Variants in AFF3 observed in about 807,000 individuals in gnomAD.
The protein encoded by AFF3 is ALF transcription elongation factor 3.
Under a neutral mutation model 129.7 loss-of-function variants are expected in AFF3, and 32 were observed. The ratio of observed to expected loss-of-function variants is 0.25; its 90% confidence interval spans 0.19 to 0.33. AFF3 has a LOEUF of 0.33. AFF3 is among the 10% of genes least tolerant of loss of function. The pLI is 1.00. For synonymous variants in AFF3, 644 were observed against 635.4 expected (o/e 1.01, Z -0.20); for missense variants, 1,373 against 1,592.0 (o/e 0.86, Z 2.34).
intron 8 of AFF3, among the ~76,000 whole-genome samples, chr2:99,787,738 C>T (rs1015660791): frequency 2.6e-5 from 4 of 151,998 alleles, no homozygotes; most frequent in African/African-American, 4.8e-5. Context: ...AACAAACAAA[C>T]GAACAAACAA....
chr2:99,936,788 AG>A (rs1284198888), intron 7 of AFF3, among the ~76,000 whole-genome samples: 1 of 152,174 alleles, frequency 6.6e-6, no homozygotes, highest in Non-Finnish European at 1.5e-5. Context: ...TCATCAGGAA[AG>A]GGTTCTTCCT....
chr2:99,945,238 C>T (rs190156400), intron 7 of AFF3, among the ~76,000 whole-genome samples: 2 of 152,368 alleles, frequency 1.3e-5, no homozygotes, highest in East Asian at 3.9e-4. Context: ...GTCTTCTTTA[C>T]ACACAGAATT....
chr2:99,578,413 G>T lies in AFF3; in HGVS notation c.2832C>A (p.His944Gln). The T allele has an allele frequency of 6.2e-7, 1 of 1,611,698 alleles. No homozygotes were observed. The highest frequency in any genetic ancestry group is 8.5e-7 in the Non-Finnish European group (1 of 1,179,138). Reference sequence around the variant, plus strand: ...ACGGCTTCGTCTGCGGCCGTGACTTGTGGAGGGGAATGTTTTCAGAATTGT... The same window carrying T: ...ACGGCTTCGTCTGCGGCCGTGACTTTTGGAGGGGAATGTTTTCAGAATTGT... ...AHNNSENIPL[H>Q]KSRPQTKPWS... The change falls in exon 18 of 25, where the codon CAC (histidine) becomes CAA (glutamine). Residue 944 changes from histidine (H) to glutamine (Q), a missense_variant. Transcript: ENST00000672756.
chr2:99,726,281 G>C (rs1017682373), intron 11 of AFF3, among the ~76,000 whole-genome samples: 19 of 152,144 alleles, frequency 1.2e-4, no homozygotes, highest in African/African-American at 4.3e-4. Flanking sequence ...CCAATCAACA[G>C]CACTTAAAAA....
chr2:99,940,280 G>C (rs1674906118), intron 7 of AFF3, among the ~76,000 whole-genome samples: 1 of 152,206 alleles, frequency 6.6e-6, no homozygotes, highest in African/African-American at 2.4e-5. Context: ...GAATATTCCA[G>C]TTCTCCATTT....
At chr2:99,812,811 T>C (rs76815095) in intron 8 of AFF3, among the ~76,000 whole-genome samples, 1 of 152,344 alleles carries the variant, frequency 6.6e-6, no homozygotes, top group Non-Finnish European at 1.5e-5. Context: ...TAATTTTTTT[T>C]CTTTTTGCCA....
chr2:100,138,072 C>T (rs1692705879), intron 1 of AFF3, among the ~76,000 whole-genome samples: 1 of 152,208 alleles, frequency 6.6e-6, no homozygotes, highest in Admixed American at 6.5e-5. Flanking sequence ...AGCCAGCCTC[C>T]ACTCAGAGCT....
At chr2:99,713,268 A>T (rs954878250) in intron 11 of AFF3, among the ~76,000 whole-genome samples, 4 of 126,272 alleles carry the variant, frequency 3.2e-5, no homozygotes, top group African/African-American at 1.2e-4. Flanking sequence ...GCCAGAGTTA[A>T]TTTTTTTTTT....
intron 2 of AFF3, among the ~76,000 whole-genome samples, chr2:100,122,338 T>C (rs568446407): frequency 2.2e-4 from 33 of 152,218 alleles, no homozygotes; most frequent in Non-Finnish European, 4.4e-4. Context: ...CCATCCAAAA[T>C]CAGAAACTTT....
chr2:99,698,824 CATAAAT>C (rs1204735263), intron 11 of AFF3, among the ~76,000 whole-genome samples: 1 of 152,110 alleles, frequency 6.6e-6, no homozygotes, highest in Non-Finnish European at 1.5e-5. Flanking sequence ...TCAAAAGAAA[CATAAAT>C]ATAACCAAAA....
chr2:99,780,685 G>A (rs1445775940), intron 8 of AFF3, among the ~76,000 whole-genome samples: 1 of 152,100 alleles, frequency 6.6e-6, no homozygotes, highest in Non-Finnish European at 1.5e-5. Flanking sequence ...TTAGTGAATG[G>A]CAACTTCATT....
At chr2:99,784,473 C>T (rs1684639378) in intron 8 of AFF3, among the ~76,000 whole-genome samples, 1 of 152,218 alleles carries the variant, frequency 6.6e-6, no homozygotes, top group Non-Finnish European at 1.5e-5. Flanking sequence ...TGGAGTTAGT[C>T]CCTCTAGAGG....
chr2:100,023,020 G>A (rs4851243), intron 4 of AFF3, among the ~76,000 whole-genome samples: 22,642 of 152,188 alleles, frequency 0.15, 2,031 homozygotes, highest in East Asian at 0.29. Context: ...TCCATTCTGT[G>A]GGCCTCCATC....
chr2:99,652,189 G>T (rs1462109679), intron 12 of AFF3, among the ~76,000 whole-genome samples: 1 of 152,162 alleles, frequency 6.6e-6, no homozygotes, highest in Non-Finnish European at 1.5e-5. Context: ...GGAAGGATGT[G>T]GTCAGGAGAG....
intron 9 of AFF3, among the ~76,000 whole-genome samples, chr2:99,745,256 A>G (rs769948347): frequency 9.2e-5 from 14 of 152,172 alleles, no homozygotes; most frequent in Admixed American, 5.2e-4. Flanking sequence ...AGTTCTTGAT[A>G]TAGTTTGGAT....
At chr2:99,788,568 CAA>C (rs1179123711) in intron 8 of AFF3, among the ~76,000 whole-genome samples, 1 of 152,096 alleles carries the variant, frequency 6.6e-6, no homozygotes, top group Admixed American at 6.5e-5. Context: ...AGTGTTATTA[CAA>C]AAGAGTCAAA....
chr2:100,016,839 A>G (rs1683157337), intron 4 of AFF3, among the ~76,000 whole-genome samples: 3 of 144,250 alleles, frequency 2.1e-5, no homozygotes, highest in East Asian at 2.1e-4. Context: ...GATGGTGGTA[A>G]TGGTGGTGGT....
At chr2:100,002,248 G>A (rs959575698) in intron 7 of AFF3, among the ~76,000 whole-genome samples, 3 of 152,124 alleles carry the variant, frequency 2.0e-5, no homozygotes, top group African/African-American at 7.2e-5. Context: ...TGCCCGACAG[G>A]CTGGTGCCGA....
At position 99,807,484 on chromosome 2, in the gene AFF3, T is replaced by C. The variant is rs76173746; in HGVS notation, c.921+29993A>G. 9.8e-5 allele frequency among the ~76,000 whole-genome samples: 15 copies of C among 152,314 alleles called. No individual in the cohort carries two copies. The East Asian group carries it at 2.9e-3, about 29-fold the overall frequency. ...ATATCTCAGCTGGTGGAAAGGTCTT[T>C]TTGATATTGAGTCCCAATTCATAAA... On this transcript the variant is annotated intron_variant, in intron 8 of 24. Transcript: ENST00000672756.
Sources: gnomAD v4.1 joint callset for allele counts (sites outside exome capture counted in the v4.1 genomes callset) on GRCh38, gnomAD v4.1.1 for gene constraint, MANE v1.5 for transcripts, NCBI Gene and HGNC (gene_info 2026-07-23, HGNC 2026-07-21) for gene names.